The following FBLN1 variants were observed in gnomAD, a reference collection of about 807,000 sequenced individuals.
FBLN1 encodes fibulin 1.
Under a neutral mutation model 89.7 loss-of-function variants are expected in FBLN1, and 34 were observed. The ratio of observed to expected loss-of-function variants is 0.38; its 90% CI spans 0.29 to 0.50. The LOEUF (loss-of-function observed/expected upper bound fraction) is 0.50, where lower values mean the gene tolerates loss of function less well. FBLN1 is among the 20% of genes least tolerant of loss of function. The pLI is 0.92. For missense variants in FBLN1, 777 were observed against 988.1 expected (o/e 0.79, Z 2.86); for synonymous variants, 393 against 391.3 (o/e 1.00, Z -0.05).
intron 11 of FBLN1, among the ~76,000 whole-genome samples, chr22:45,546,179 CA>C (rs34103756): frequency 1.9e-4 from 28 of 148,096 alleles, no homozygotes; most frequent in African/African-American, 2.2e-4. Flanking sequence ...GACTTTGTCT[CA>C]AAAAAAAAAA....
At chr22:45,508,771 A>G (rs2088059831) in intron 1 of FBLN1, among the ~76,000 whole-genome samples, 2 of 152,144 alleles carry the variant, frequency 1.3e-5, no homozygotes, top group Non-Finnish European at 2.9e-5. Context: ...ATGTGAGATC[A>G]TTTGTGCGTT....
At chr22:45,535,084 T>C in intron 7 of FBLN1, 116 bp from the exon 8 acceptor site, 1 of 1,166,156 alleles carries the variant, frequency 8.6e-7, no homozygotes, top group Non-Finnish European at 1.3e-6. Flanking sequence ...TAGAATGTTT[T>C]GGGTTATAGT....
intron 16 of FBLN1, among the ~76,000 whole-genome samples, chr22:45,599,898 CAA>C (rs1218182646): frequency 6.6e-6 from 1 of 152,166 alleles, no homozygotes; most frequent in Admixed American, 6.5e-5. Context: ...GCCTGGGCAA[CAA>C]GAGTGAAACT....
intron 1 of FBLN1, among the ~76,000 whole-genome samples, chr22:45,516,070 G>T (rs181564823): frequency 7.0e-4 from 106 of 152,280 alleles, no homozygotes; most frequent in African/African-American, 2.5e-3. Flanking sequence ...CGCCAGGCAC[G>T]GGGTGATATG....
rs77711179 is a variant in FBLN1, at chr22:45,550,559, C to T, written c.1641C>T (p.Gly547=). Residue 547 remains glycine (G), a synonymous_variant, in exon 14 of 17, where the codon GGC becomes GGT. Coordinates refer to ENST00000327858, the MANE Select transcript of FBLN1 (RefSeq NM_006486.3). The surrounding 1 kb of genome is among the most constrained non-coding windows in gnomAD (Gnocchi z 8.4). ...ACGAGACCTGCTTCAACATCCAGGG[C>T]GGCTTCCGCTGCCTGGCCTTCGAGT... ...SINETCFNIQ[G]GFRCLAFECP... 82 of 1,614,138 alleles carry T rather than the reference C, an allele frequency of 5.1e-5. No individual in the cohort carries two copies. The East Asian group carries it at 6.9e-4, about 14-fold the overall frequency.
intron 8 of FBLN1, 78 bp downstream of exon 8, chr22:45,535,415 T>A (rs1247475975): frequency 7.6e-6 from 12 of 1,569,322 alleles, no homozygotes; most frequent in Non-Finnish European, 9.6e-6. Context: ...GCCTCTAGAA[T>A]CTGCGGGGCC....
At position 45,545,124 on chromosome 22, in the gene FBLN1, A is replaced by G. The variant is rs1452656765; in HGVS notation, c.1321+1598A>G. 6.6e-6 allele frequency among the ~76,000 whole-genome samples: 1 copy of G among 152,138 alleles called. No homozygotes were observed. Among genetic ancestry groups the G allele is most frequent in the Non-Finnish European group, 1.5e-5 (1 of 68,020 alleles). On this transcript the variant is annotated intron_variant, in intron 11 of 16. Transcript: ENST00000327858. The surrounding 1 kb of genome is among the most constrained non-coding windows in gnomAD (Gnocchi z 5.9). ...GCCACAGTGAGCTGTGGTGTGCATGATTCTCAAATCGGAGGACGGACGGTG... is the reference window on the plus strand; with the variant it reads ...GCCACAGTGAGCTGTGGTGTGCATGGTTCTCAAATCGGAGGACGGACGGTG...
At position 45,588,279 on chromosome 22, in the gene FBLN1, G is replaced by C. The variant is rs748470694; in HGVS notation, c.1972+11171G>C. 1.3e-5 allele frequency among the ~76,000 whole-genome samples: 2 copies of C among 152,156 alleles called. No homozygotes were observed. Among genetic ancestry groups the C allele is most frequent in the African/African-American group, 4.8e-5 (2 of 41,426 alleles). ...CAGGCAGAGGGAATGGCAGAGTGCTGGAGTGGCCATGCCTGGGGAACTCCT... is the reference window on the plus strand; with the variant it reads ...CAGGCAGAGGGAATGGCAGAGTGCTCGAGTGGCCATGCCTGGGGAACTCCT... On this transcript the variant is annotated intron_variant, in intron 16 of 16. Coordinates refer to ENST00000327858, the MANE Select transcript of FBLN1 (RefSeq NM_006486.3). This position sits in a 1 kb window ranked among gnomAD's most constrained non-coding sequence, Gnocchi z 5.1.
rs2089037726 is a variant in FBLN1, at chr22:45,581,008, C to T, written c.1972+3900C>T. Among the ~76,000 whole-genome samples the T allele has an allele frequency of 6.6e-6, 1 of 152,212 alleles. No homozygotes were observed. Among genetic ancestry groups the T allele is most frequent in the African/African-American group, 2.4e-5 (1 of 41,454 alleles). ...CCTGTGCAAAAATGCTCCATTAATG[C>T]CCGAGGGATTCTCAGGCCACTACAA... On this transcript the variant is annotated intron_variant, in intron 16 of 16. Transcript: ENST00000327858. The surrounding 1 kb of genome is among the most constrained non-coding windows in gnomAD (Gnocchi z 7.6).
rs371032472 is a variant in FBLN1 at position 45,563,220 on chromosome 22, G to C, written c.1698-11291G>C. The C allele has an allele frequency of 6.4e-5, 104 of 1,613,702 alleles. No homozygotes were observed. The highest frequency in any genetic ancestry group is 8.1e-5 in the Non-Finnish European group (95 of 1,180,054). The stretch of plus-strand genomic sequence containing the variant: ...GATCTCTCTCGCCACGGCACCGTCA[G>C]CTCCTTTGTGGCCAAGCTTTTCATC... On this transcript the variant is annotated intron_variant, in intron 14 of 16. Transcript: ENST00000327858. This position sits in a 1 kb window ranked among gnomAD's most constrained non-coding sequence, Gnocchi z 5.7.
chr22:45,552,603 C>T (rs2088718588), intron 14 of FBLN1, among the ~76,000 whole-genome samples: 1 of 152,358 alleles, frequency 6.6e-6, no homozygotes, highest in East Asian at 1.9e-4. Flanking sequence ...GACCCATGGC[C>T]GGCGCTTCTG....
intron 10 of FBLN1, among the ~76,000 whole-genome samples, chr22:45,542,966 T>C (rs2285182): frequency 0.38 from 57,459 of 152,182 alleles, 11,584 homozygotes; most frequent in East Asian, 0.62. Flanking sequence ...GCATTCCTTG[T>C]CTGAGAAATG....
At chr22:45,573,696 A>AAAAC (rs1555960598) in intron 14 of FBLN1, among the ~76,000 whole-genome samples, 1 of 149,762 alleles carries the variant, frequency 6.7e-6, no homozygotes, top group East Asian at 1.9e-4. Flanking sequence ...AAAAAAAAAA[A>AAAAC]AAAAACCCAA....
chr22:45,567,405 C>T (rs904164810), intron 14 of FBLN1, among the ~76,000 whole-genome samples: 7 of 152,320 alleles, frequency 4.6e-5, no homozygotes, highest in East Asian at 1.9e-4. Flanking sequence ...CACTGAAGGT[C>T]GGGAGTTCAA....
Position 45,503,016 on chromosome 22 carries a change from C to T in FBLN1, c.31C>T (p.Pro11Ser), listed in dbSNP as rs2087966985. 1.6e-6 allele frequency: 2 copies of T among 1,245,978 alleles called. No homozygotes were observed. The highest frequency in any genetic ancestry group is 1.0e-6 in the Non-Finnish European group (1 of 996,572). 77.2% of individuals were successfully genotyped at this position (1,245,978 alleles called of 1,614,324 possible). Reference protein sequence around the residue: MERAAPSRRVPLPLLLLGGLA... With the variant: MERAAPSRRVSLPLLLLGGLA... ...GCGCGCCGCGCCGTCGCGCCGGGTC[C>T]CGCTTCCGCTGCTGCTGCTCGGCGG... is the stretch of plus-strand genomic sequence containing the variant. Residue 11 changes from proline to serine, a missense_variant, in exon 1 of 17, where the codon CCG becomes TCG. Coordinates refer to ENST00000327858, the MANE Select transcript of FBLN1 (RefSeq NM_006486.3).
At chr22:45,543,587 C>A in intron 11 of FBLN1, 61 bp downstream of exon 11, 1 of 1,590,020 alleles carries the variant, frequency 6.3e-7, no homozygotes, top group Admixed American at 1.7e-5. Context: ...GGGAAGCCAC[C>A]CTTCTGCAGA....
At chr22:45,587,266 C>T (rs1247111889) in intron 16 of FBLN1, among the ~76,000 whole-genome samples, 3 of 150,092 alleles carry the variant, frequency 2.0e-5, no homozygotes, top group Admixed American at 6.7e-5. Context: ...CCCCGCTGCC[C>T]GGCCAGAGAG....
At position 45,550,754 on chromosome 22, in the gene FBLN1, C is replaced by G; in HGVS notation, c.1697+139C>G. 8.0e-7 allele frequency: 1 copy of G among 1,253,122 alleles called. No individual in the cohort carries two copies. Among genetic ancestry groups the G allele is most frequent in the Non-Finnish European group, 1.2e-6 (1 of 864,462 alleles). The allele number at this position is 1,253,122 out of a possible 1,614,324, so 77.6% of individuals were successfully genotyped here. On this transcript the variant is annotated intron_variant, in intron 14 of 16. Transcript: ENST00000327858. The surrounding 1 kb of genome is among the most constrained non-coding windows in gnomAD (Gnocchi z 8.4). ...TCAGGGCACTCAAAGATCACCTGAT[C>G]CCTGGCCCTCAAGCCCCTAAATGCT...
intron 16 of FBLN1, among the ~76,000 whole-genome samples, chr22:45,582,866 T>C (rs1239063119): frequency 6.6e-6 from 1 of 152,164 alleles, no homozygotes; most frequent in Non-Finnish European, 1.5e-5. Flanking sequence ...CTCTGAGATG[T>C]TTTATACTCT....
Sources: gnomAD v4.1 joint callset for allele counts (sites outside exome capture counted in the v4.1 genomes callset) on GRCh38, gnomAD v4.1.1 for gene constraint, Gnocchi (gnomAD v3.1) non-coding constraint, MANE v1.5 for transcripts, NCBI Gene and HGNC (gene_info 2026-07-23, HGNC 2026-07-21) for gene names.